The following SMARCAD1 variants were observed in gnomAD, a reference collection of about 807,000 sequenced individuals.
SMARCAD1 encodes SWI/SNF-related matrix-associated actin-dependent regulator of chromatin subfamily A containing DEAD/H box 1.
In SMARCAD1, 25 loss-of-function variants were observed where a neutral mutation model predicts 127.1. The observed-to-expected ratio is 0.20, with a 90% CI of 0.14 to 0.27. The LOEUF is 0.27. Ranked by LOEUF, SMARCAD1 falls within the 10% of genes least tolerant of loss-of-function variation. The pLI is 1.00. For synonymous variants in SMARCAD1, 400 were observed against 396.9 expected, an observed-to-expected ratio of 1.01 and a Z score of -0.09; for missense variants, 807 against 1,206.0, an observed-to-expected ratio of 0.67 and a Z score of 4.90.
At position 94,284,912 on chromosome 4, in the gene SMARCAD1, A is replaced by C. The variant is rs762027417; in HGVS notation, c.2910-48A>C. 2.7e-6 allele frequency: 3 copies of C among 1,114,172 alleles called. No homozygotes were observed. In the Admixed American group the frequency reaches 5.3e-5, roughly 20 times the overall value. The allele number at this position is 1,114,172 out of a possible 1,614,324, so 69.0% of individuals were successfully genotyped here. A position where few individuals can be genotyped will look rare whatever the true frequency, so the allele number is the denominator to read the frequency against. The stretch of plus-strand genomic sequence containing the variant: ...CTTAAATATAGTTTACATATATCCA[A>C]ATAACTATATTTAGTAACCAATGGA... On this transcript the variant is annotated intron_variant, in intron 22 of 23. Coordinates refer to ENST00000354268, the MANE Select transcript of SMARCAD1 (RefSeq NM_020159.5).
At chr4:94,268,112 CAT>C (rs760512887) in intron 10 of SMARCAD1, among the ~76,000 whole-genome samples, 11 of 152,202 alleles carry the variant, frequency 7.2e-5, no homozygotes, top group African/African-American at 2.4e-4. Context: ...GAACAGCAAA[CAT>C]ATATACACAT....
chr4:94,264,083 A>T (rs888627556), intron 9 of SMARCAD1, among the ~76,000 whole-genome samples: 52 of 152,020 alleles, frequency 3.4e-4, no homozygotes, highest in African/African-American at 1.2e-3. Context: ...AACCTTATCT[A>T]ATTATTGAAT....
At position 94,207,986 on chromosome 4, in the gene SMARCAD1, A is replaced by T. The variant is rs898339650; in HGVS notation, c.-134A>T. ...CAGGTCCTTTCTCGAGGCAGGGGGC[A>T]CGGTAGCACAGGGAGCTTCTCTTTG... On this transcript the variant is annotated 5_prime_UTR_variant, in exon 1 of 24. Transcript: ENST00000354268. The T allele has an allele frequency of 1.3e-5, 5 of 376,144 alleles. No individual in the cohort carries two copies. Among genetic ancestry groups the T allele is most frequent in the Non-Finnish European group, 2.6e-5 (5 of 191,966 alleles). The allele number at this position is 376,144 out of a possible 1,614,324, so 23.3% of individuals were successfully genotyped here. A position where few individuals can be genotyped will look rare whatever the true frequency, so the allele number is the denominator to read the frequency against.
At chr4:94,285,413 T>C (rs1000609425) in intron 23 of SMARCAD1, among the ~76,000 whole-genome samples, 2 of 152,212 alleles carry the variant, frequency 1.3e-5, no homozygotes, top group Non-Finnish European at 2.9e-5. Context: ...CCAGTTATTT[T>C]ATGTGTATAA....
At chr4:94,223,276 C>A (rs1325689518) in intron 2 of SMARCAD1, among the ~76,000 whole-genome samples, 1 of 151,902 alleles carries the variant, frequency 6.6e-6, no homozygotes, top group East Asian at 2.0e-4. Flanking sequence ...AGGTGGATCA[C>A]GAGGTCAGGA....
At chr4:94,270,897 CT>C (rs571705829) in intron 11 of SMARCAD1, 79 bp downstream of exon 11, 100 of 1,310,508 alleles carry the variant, frequency 7.6e-5, no homozygotes, top group East Asian at 1.2e-4. Flanking sequence ...AAACATGAAA[CT>C]TTTTTTTGCT....
intron 2 of SMARCAD1, among the ~76,000 whole-genome samples, chr4:94,216,740 G>C (rs1743266674): frequency 6.6e-6 from 1 of 152,150 alleles, no homozygotes; most frequent in African/African-American, 2.4e-5. Flanking sequence ...ATCCATCCAT[G>C]TTGTAGCATA....
rs532776777 is a variant in SMARCAD1, at chr4:94,212,557, G to T, written c.190+3973G>T. On this transcript the variant is annotated intron_variant, in intron 2 of 23. Transcript: ENST00000354268. Reference sequence around the variant, plus strand: ...GCTGGAGTGCAGTGGCACAATCTCGGCTCACTGCAACCTCTGCCTCCTGGG... The same window carrying T: ...GCTGGAGTGCAGTGGCACAATCTCGTCTCACTGCAACCTCTGCCTCCTGGG... Among the ~76,000 whole-genome samples the T allele has an allele frequency of 3.3e-5, 5 of 151,938 alleles. No individual in the cohort carries two copies. The South Asian group carries it at 6.2e-4, about 19-fold the overall frequency.
In SMARCAD1 at chr4:94,208,361, C is replaced by T. The variant is rs145651777; in HGVS notation, c.-34C>T. 7.5e-6 allele frequency: 12 copies of T among 1,607,068 alleles called. No homozygotes were observed. In the African/African-American group the frequency reaches 1.3e-4, roughly 18 times the overall value. On this transcript the variant is annotated 5_prime_UTR_variant, in exon 2 of 24. Transcript: ENST00000354268. ...TCCCCTGCAGATAGTTCATTTAAAG[C>T]CCCCATCCCTGCAAGGTGGTGCTTT... is the stretch of plus-strand genomic sequence containing the variant.
chr4:94,217,879 A>C (rs1024427219), intron 2 of SMARCAD1, among the ~76,000 whole-genome samples: 1 of 152,228 alleles, frequency 6.6e-6, no homozygotes, highest in Non-Finnish European at 1.5e-5. Context: ...ATCAAAGTGT[A>C]TTGCTTATAG....
intron 10 of SMARCAD1, 136 bp downstream of exon 10, chr4:94,265,042 C>T (rs1751528233): frequency 6.7e-6 from 5 of 743,196 alleles, no homozygotes; most frequent in Admixed American, 2.4e-5. Flanking sequence ...TGTAATGGCA[C>T]ATAAGTGGAC....
At chr4:94,223,846 T>C (rs374802228) in intron 2 of SMARCAD1, among the ~76,000 whole-genome samples, 1 of 151,312 alleles carries the variant, frequency 6.6e-6, no homozygotes. Context: ...CTCCCAAAGT[T>C]CTGGGATTAT....
At chr4:94,275,041 A>T (rs528440795) in intron 14 of SMARCAD1, 76 bp downstream of exon 14, 7 of 1,020,680 alleles carry the variant, frequency 6.9e-6, no homozygotes, top group Non-Finnish European at 4.7e-6. Context: ...TAGTAGTACT[A>T]TGTAGGAAAG....
chr4:94,287,222 G>A (rs1755068687), intron 23 of SMARCAD1, among the ~76,000 whole-genome samples: 1 of 152,092 alleles, frequency 6.6e-6, no homozygotes, highest in South Asian at 2.1e-4. Context: ...GGATGTAATG[G>A]CGTCTCTTAT....
intron 2 of SMARCAD1, among the ~76,000 whole-genome samples, chr4:94,214,586 CAA>C (rs1742854389): frequency 6.6e-6 from 1 of 151,928 alleles, no homozygotes; most frequent in Admixed American, 6.6e-5. Flanking sequence ...TAACCAAGGA[CAA>C]GAAGCTAGTG....
At chr4:94,218,787 G>A (rs1158510203) in intron 2 of SMARCAD1, among the ~76,000 whole-genome samples, 1 of 151,972 alleles carries the variant, frequency 6.6e-6, no homozygotes, top group Non-Finnish European at 1.5e-5. Flanking sequence ...TGCAAATTAA[G>A]ACTACAGATT....
chr4:94,248,224 T>C (rs1317800502), intron 6 of SMARCAD1, among the ~76,000 whole-genome samples: 1 of 152,256 alleles, frequency 6.6e-6, no homozygotes, highest in Non-Finnish European at 1.5e-5. Context: ...CTTTCAGATA[T>C]ACTACAATGT....
intron 6 of SMARCAD1, among the ~76,000 whole-genome samples, chr4:94,242,252 C>T (rs960855842): frequency 1.3e-5 from 2 of 151,824 alleles, no homozygotes; most frequent in East Asian, 3.9e-4. Flanking sequence ...ACCATGTTGG[C>T]CAGGCTGGTC....
intron 6 of SMARCAD1, among the ~76,000 whole-genome samples, chr4:94,241,417 C>A (rs910896195): frequency 6.6e-6 from 1 of 152,166 alleles, no homozygotes; most frequent in Non-Finnish European, 1.5e-5. Flanking sequence ...CCAAATTTCC[C>A]CTTTTTATAA....
Sources: allele counts gnomAD v4.1 joint callset (sites outside exome capture counted in the v4.1 genomes callset), GRCh38; gene constraint gnomAD v4.1.1; transcripts MANE v1.5; gene names NCBI Gene and HGNC (gene_info 2026-07-23, HGNC 2026-07-21).